ZSCAN25: variants seen among roughly 807,000 people sequenced by gnomAD.
ZSCAN25 encodes the protein zinc finger and SCAN domain-containing protein 25.
A neutral mutation model predicts 38.7 loss-of-function variants in ZSCAN25; 27 were observed. The ratio of observed to expected loss-of-function variants is 0.70; its 90% CI spans 0.51 to 0.96. The LOEUF (loss-of-function observed/expected upper bound fraction) is 0.96, where lower values mean the gene tolerates loss of function less well. Ranked by LOEUF, ZSCAN25 falls within the 40% of genes least tolerant of loss-of-function variation. The pLI is 0.00. For missense variants in ZSCAN25, 637 were observed against 705.9 expected, an observed-to-expected ratio of 0.90 and a Z score of 1.11; for synonymous variants, 273 against 277.7, an observed-to-expected ratio of 0.98 and a Z score of 0.17.
At chr7:99,671,971 A>G in the ZSCAN25 span, 1 of 648,678 alleles carries the variant, frequency 1.5e-6, no homozygotes, top group Admixed American at 2.4e-5. Flanking sequence ...AAAGCTCTGT[A>G]AACTATATCA....
chr7:99,695,938 G>A, the ZSCAN25 span: 1 of 957,484 alleles, frequency 1.0e-6, no homozygotes, highest in African/African-American at 1.7e-5. Flanking sequence ...TCAAGAGAAG[G>A]AGGTAACATT....
chr7:99,663,272 TCTC>T, the ZSCAN25 span: 1 of 1,005,476 alleles, frequency 9.9e-7, no homozygotes, highest in East Asian at 1.0e-4. Context: ...TATAGATTAA[TCTC>T]CTGACATTTC....
the ZSCAN25 span, chr7:99,638,612 C>CT: frequency 6.3e-7 from 1 of 1,583,502 alleles, no homozygotes; most frequent in African/African-American, 1.3e-5. Context: ...TTGTAAGTCA[C>CT]TGTCTCCACG....
chr7:99,732,187 T>C, the ZSCAN25 span, among the ~76,000 whole-genome samples: 1 of 152,094 alleles, frequency 6.6e-6, no homozygotes, highest in African/African-American at 2.4e-5. Context: ...GATCTGGTGG[T>C]TTATAAGTGT....
At chr7:99,665,352 C>T in the ZSCAN25 span, 1 of 1,612,116 alleles carries the variant, frequency 6.2e-7, no homozygotes, top group Non-Finnish European at 8.5e-7. Flanking sequence ...AAATCAGCAC[C>T]TCTTACCGTC....
At chr7:99,621,881 G>T in intron 5 of ZSCAN25, 1 of 250,220 alleles carries the variant, frequency 4.0e-6, no homozygotes, top group Non-Finnish European at 7.5e-6. Context: ...TTTTTCAGTA[G>T]GCAGATAAAC....
the ZSCAN25 span, chr7:99,638,295 G>C: frequency 6.2e-7 from 1 of 1,606,758 alleles, no homozygotes. Context: ...TCCGTCCCCT[G>C]AGGTGGCACA....
At chr7:99,676,392 C>A in the ZSCAN25 span, 1 of 1,516,626 alleles carries the variant, frequency 6.6e-7, no homozygotes, top group East Asian at 2.6e-5. Context: ...TATTCTGAGA[C>A]CCCTGAAAAG....
the ZSCAN25 span, among the ~76,000 whole-genome samples, chr7:99,644,316 A>G: frequency 6.6e-6 from 1 of 152,160 alleles, no homozygotes; most frequent in African/African-American, 2.4e-5. Flanking sequence ...AGAGCATGAA[A>G]AGGACTGTCA....
chr7:99,731,060 T>C, the ZSCAN25 span: 1 of 1,613,828 alleles, frequency 6.2e-7, no homozygotes. Context: ...AACACTCACC[T>C]TACGGAAGGA....
the ZSCAN25 span, among the ~76,000 whole-genome samples, chr7:99,679,456 A>T: frequency 6.6e-6 from 1 of 152,274 alleles, no homozygotes. Context: ...TGTACCCAGA[A>T]TCCCCAGAGC....
the ZSCAN25 span, among the ~76,000 whole-genome samples, chr7:99,698,429 A>G: frequency 6.6e-6 from 1 of 151,928 alleles, no homozygotes; most frequent in African/African-American, 2.4e-5. Flanking sequence ...GCTGAGGAAT[A>G]TTTTCTTACT....
At chr7:99,624,971 A>G (rs1807344212) in intron 7 of ZSCAN25, among the ~76,000 whole-genome samples, 1 of 152,122 alleles carries the variant, frequency 6.6e-6, no homozygotes, top group South Asian at 2.1e-4. Context: ...TTTTTGTTTC[A>G]TAACTTCTTT....
At chr7:99,709,276 A>G in the ZSCAN25 span, 1 of 1,612,544 alleles carries the variant, frequency 6.2e-7, no homozygotes, top group Non-Finnish European at 8.5e-7. Flanking sequence ...AAAGAAAGAA[A>G]CAGATTTGGA....
At chr7:99,704,411 C>T in the ZSCAN25 span, among the ~76,000 whole-genome samples, 1 of 152,050 alleles carries the variant, frequency 6.6e-6, no homozygotes, top group Non-Finnish European at 1.5e-5. Flanking sequence ...CTGCCTCAGC[C>T]TCCTGGGTAG....
At chr7:99,634,156 A>G (rs1304954099), downstream of ZSCAN25, among the ~76,000 whole-genome samples, 1 of 152,194 alleles carries the variant, frequency 6.6e-6, no homozygotes, top group Non-Finnish European at 1.5e-5. Context: ...CCTTTGCAAG[A>G]GAAACTCTGT....
At chr7:99,622,224 C>G (rs1807039325) in intron 5 of ZSCAN25, 1 of 323,652 alleles carries the variant, frequency 3.1e-6, no homozygotes, top group Non-Finnish European at 5.8e-6. Flanking sequence ...CGCGCCCAGC[C>G]CACGTAGCTT....
the ZSCAN25 span, among the ~76,000 whole-genome samples, chr7:99,732,331 G>A: frequency 1.2e-4 from 19 of 152,144 alleles, no homozygotes; most frequent in Non-Finnish European, 2.9e-5. Context: ...GCTTCCTGTA[G>A]AGCCTGCAGA....
intron 3 of ZSCAN25, 102 bp downstream of exon 3, chr7:99,619,234 T>C (rs539337914): frequency 6.5e-5 from 12 of 184,808 alleles, no homozygotes; most frequent in Non-Finnish European, 1.1e-4. Flanking sequence ...ATGTTTCCTT[T>C]AGTATTGGAA....
Sources: allele counts gnomAD v4.1 joint callset (sites outside exome capture counted in the v4.1 genomes callset), GRCh38; gene constraint gnomAD v4.1.1; transcripts MANE v1.5; gene names NCBI Gene and HGNC (gene_info 2026-07-23, HGNC 2026-07-21).